Variants in AP3B1 observed in about 807,000 individuals in gnomAD.
The protein encoded by AP3B1 is AP-3 complex subunit beta-1.
AP3B1 carries 61 observed loss-of-function variants against 132.5 expected under a neutral mutation model. That is an observed-to-expected ratio of 0.46 (90% CI 0.37 to 0.57). AP3B1 has a LOEUF of 0.57. Ranked by LOEUF, AP3B1 falls within the 20% of genes least tolerant of loss-of-function variation. The pLI is 0.00. For synonymous variants in AP3B1, 388 were observed against 438.3 expected, an observed-to-expected ratio of 0.89 and a Z score of 1.43; for missense variants, 1,120 against 1,289.4, an observed-to-expected ratio of 0.87 and a Z score of 2.01.
At chr5:78,117,413 G>C (rs373621056) in intron 17 of AP3B1, among the ~76,000 whole-genome samples, 1 of 151,344 alleles carries the variant, frequency 6.6e-6, no homozygotes, top group Non-Finnish European at 1.5e-5. Context: ...AGGTTCAAGC[G>C]ATTGTCCTGC....
intron 8 of AP3B1, among the ~76,000 whole-genome samples, chr5:78,178,570 G>A (rs1157607771): frequency 1.3e-5 from 2 of 152,106 alleles, no homozygotes; most frequent in Admixed American, 6.5e-5. Context: ...GCAGTGAGCC[G>A]AGATCATGCC....
At chr5:78,166,161 A>AT (rs1199902949) in intron 11 of AP3B1, among the ~76,000 whole-genome samples, 1 of 128,674 alleles carries the variant, frequency 7.8e-6, no homozygotes, top group Non-Finnish European at 1.8e-5. Flanking sequence ...ACACACACAC[A>AT]CACACACACA....
chr5:78,185,949 A>G (rs1744589619), intron 7 of AP3B1, among the ~76,000 whole-genome samples: 1 of 152,202 alleles, frequency 6.6e-6, no homozygotes, highest in East Asian at 1.9e-4. Flanking sequence ...CAAAGATGGA[A>G]TTCTAAAAAA....
At chr5:78,241,066 C>T in intron 2 of AP3B1, 130 bp from the exon 3 acceptor site, 2 of 660,248 alleles carry the variant, frequency 3.0e-6, no homozygotes, top group Non-Finnish European at 5.4e-6. Flanking sequence ...CAACTATTTA[C>T]AGCAAATAAT....
chr5:78,035,118 G>C (rs1031041710), intron 23 of AP3B1, among the ~76,000 whole-genome samples: 3 of 151,762 alleles, frequency 2.0e-5, no homozygotes, highest in Non-Finnish European at 2.9e-5. Context: ...AACTAACCAA[G>C]TATAGGAAAT....
At chr5:78,204,905 T>A (rs1745443125) in intron 7 of AP3B1, among the ~76,000 whole-genome samples, 1 of 152,190 alleles carries the variant, frequency 6.6e-6, no homozygotes, top group African/African-American at 2.4e-5. Flanking sequence ...ATTTTCTGAA[T>A]TCAAAAAGCT....
chr5:78,028,635 G>A (rs1488589173), intron 24 of AP3B1, among the ~76,000 whole-genome samples: 2 of 152,036 alleles, frequency 1.3e-5, no homozygotes, highest in Non-Finnish European at 1.5e-5. Context: ...GTGGCTATGG[G>A]TAACCTGTAC....
Position 78,240,878 on chromosome 5 carries a change from G to T in AP3B1, c.263C>A (p.Ala88Asp). The T allele has an allele frequency of 6.2e-7, 1 of 1,612,048 alleles. No individual in the cohort carries two copies. The highest frequency in any genetic ancestry group is 8.5e-7 in the Non-Finnish European group (1 of 1,178,392). ...AAACAGTACCTCAATATTTTTACTGGCCACATTCTTCACAACAGCAGGAAA... is the reference window on the plus strand; with the variant it reads ...AAACAGTACCTCAATATTTTTACTGTCCACATTCTTCACAACAGCAGGAAA... ...ELFPAVVKNVASKNIEIKKLV... is the reference protein window; with the variant it reads ...ELFPAVVKNVDSKNIEIKKLV... The change falls in exon 3 of 27, where the codon GCC (alanine) becomes GAC (aspartate). Residue 88 changes from alanine to aspartate, a missense_variant. By Grantham distance (126) the Ala-to-Asp change is moderately radical. Transcript: ENST00000255194.
At chr5:78,097,215 C>A (rs1750872965) in intron 21 of AP3B1, among the ~76,000 whole-genome samples, 1 of 126,516 alleles carries the variant, frequency 7.9e-6, no homozygotes, top group African/African-American at 3.1e-5. Flanking sequence ...CCCGGCCAGC[C>A]ACCCCGTCCG....
At chr5:78,144,129 G>A (rs1321931126) in intron 14 of AP3B1, among the ~76,000 whole-genome samples, 3 of 152,020 alleles carry the variant, frequency 2.0e-5, no homozygotes, top group Non-Finnish European at 2.9e-5. Flanking sequence ...CACAGGTACA[G>A]ACACACACAC....
At chr5:78,026,141 T>A (rs192640081) in intron 24 of AP3B1, among the ~76,000 whole-genome samples, 15 of 152,214 alleles carry the variant, frequency 9.9e-5, no homozygotes, top group Non-Finnish European at 1.5e-4. Context: ...TTTCTACACA[T>A]AACTGCCTCA....
At chr5:78,088,751 C>A (rs142374666) in intron 22 of AP3B1, among the ~76,000 whole-genome samples, 324 of 152,244 alleles carry the variant, frequency 2.1e-3, no homozygotes, top group Non-Finnish European at 3.2e-3. Flanking sequence ...TTAGGCGCAG[C>A]GTGCTTGATT....
intron 11 of AP3B1, among the ~76,000 whole-genome samples, chr5:78,175,223 C>A (rs1408414072): frequency 3.3e-5 from 5 of 152,232 alleles, no homozygotes; most frequent in African/African-American, 1.2e-4. Context: ...TCTGGGGCTG[C>A]ACCCACTGTC....
At chr5:78,064,037 G>A (rs959320079) in intron 22 of AP3B1, among the ~76,000 whole-genome samples, 16 of 150,354 alleles carry the variant, frequency 1.1e-4, no homozygotes, top group African/African-American at 3.7e-4. Flanking sequence ...GGCAGGAAGA[G>A]GGAAAGATCA....
intron 21 of AP3B1, among the ~76,000 whole-genome samples, chr5:78,095,870 T>C (rs766277498): frequency 2.6e-5 from 4 of 152,206 alleles, no homozygotes; most frequent in Non-Finnish European, 5.9e-5. Context: ...AAATAGCACT[T>C]GGGTATTAAA....
intron 22 of AP3B1, among the ~76,000 whole-genome samples, chr5:78,059,057 T>A (rs1011289735): frequency 1.3e-5 from 2 of 152,246 alleles, no homozygotes; most frequent in African/African-American, 4.8e-5. Context: ...AGGGAATTAA[T>A]GTTGCCAATA....
In AP3B1 at chr5:78,003,073, G is replaced by C. The variant is rs768467649; in HGVS notation, c.3132-18C>G. On this transcript the variant is annotated intron_variant, in intron 26 of 26. Transcript: ENST00000255194. ...CTGCAAACCTGGAAGAGAAAAAAGAGAGACCTTTTATCATAAGATGGGGAG... is the reference window on the plus strand; with the variant it reads ...CTGCAAACCTGGAAGAGAAAAAAGACAGACCTTTTATCATAAGATGGGGAG... 1 of 1,613,546 alleles carries C rather than the reference G, an allele frequency of 6.2e-7. No individual in the cohort carries two copies. Among genetic ancestry groups the C allele is most frequent in the South Asian group, 1.1e-5 (1 of 91,078 alleles).
At chr5:78,216,823 C>T (rs181081505) in intron 6 of AP3B1, among the ~76,000 whole-genome samples, 2 of 152,168 alleles carry the variant, frequency 1.3e-5, no homozygotes, top group East Asian at 3.9e-4. Context: ...AGAACATCAC[C>T]TGGGCTCTTA....
At chr5:78,074,361 G>A (rs1749672587) in intron 22 of AP3B1, among the ~76,000 whole-genome samples, 1 of 152,090 alleles carries the variant, frequency 6.6e-6, no homozygotes, top group Non-Finnish European at 1.5e-5. Flanking sequence ...GGCATGGCTA[G>A]GCAATGGAAG....
Sources: gnomAD v4.1 joint callset for allele counts (sites outside exome capture counted in the v4.1 genomes callset) on GRCh38, gnomAD v4.1.1 for gene constraint, MANE v1.5 for transcripts, NCBI Gene and HGNC (gene_info 2026-07-23, HGNC 2026-07-21) for gene names.